The following EP400 variants were observed in gnomAD, a reference collection of about 807,000 sequenced individuals.
EP400 encodes the protein E1A binding protein p400.
Under a neutral mutation model 354.1 loss-of-function variants are expected in EP400, and 105 were observed. The ratio of observed to expected loss-of-function variants is 0.30; its 90% confidence interval spans 0.25 to 0.35. The LOEUF (loss-of-function observed/expected upper bound fraction) is 0.35, where lower values mean the gene tolerates loss of function less well. EP400 is among the 10% of genes least tolerant of loss of function. EP400 has a pLI of 1.00. For missense variants in EP400, 3,280 were observed against 4,121.0 expected, an observed-to-expected ratio of 0.80 and a Z score of 5.59; for synonymous variants, 1,646 against 1,716.9, an observed-to-expected ratio of 0.96 and a Z score of 1.02.
rs1894022057 is a variant in EP400 at position 132,018,610 on chromosome 12, C to T, written c.4277+234C>T. ...GCAGCAACCTCCTTGATCGTCTTTGCAGCAGTTTTAGGGTAGGGTGGGTGT... is the reference window on the plus strand; with the variant it reads ...GCAGCAACCTCCTTGATCGTCTTTGTAGCAGTTTTAGGGTAGGGTGGGTGT... On this transcript the variant is annotated intron_variant, in intron 21 of 52. Transcript: ENST00000389561. The surrounding 1 kb of genome is among the most constrained non-coding windows in gnomAD (Gnocchi z 4.0). Among the ~76,000 whole-genome samples, 1 of 152,212 alleles carries T rather than the reference C, an allele frequency of 6.6e-6. No individual in the cohort carries two copies. The highest frequency in any genetic ancestry group is 6.6e-5 in the Admixed American group (1 of 15,266).
chr12:131,992,840 C>G (rs1416988704), intron 11 of EP400, among the ~76,000 whole-genome samples: 1 of 152,162 alleles, frequency 6.6e-6, no homozygotes, highest in Admixed American at 6.5e-5. Context: ...GTAAGGCCTG[C>G]AGTTTCTCCT....
intron 2 of EP400, among the ~76,000 whole-genome samples, chr12:131,967,347 C>A (rs896997127): frequency 6.6e-6 from 1 of 151,684 alleles, no homozygotes; most frequent in Non-Finnish European, 1.5e-5. Context: ...TGCCACTGCA[C>A]TCCAGCCTGG....
Position 132,027,498 on chromosome 12 carries a change from C to T in EP400, c.5076C>T (p.Ser1692=). The T allele has an allele frequency of 1.2e-6, 2 of 1,613,712 alleles. No homozygotes were observed. Among genetic ancestry groups the T allele is most frequent in the Non-Finnish European group, 1.7e-6 (2 of 1,179,874 alleles). Residue 1692 remains serine, a synonymous_variant, in exon 26 of 53, where the codon TCC becomes TCT. Transcript: ENST00000389561. This position sits in a 1 kb window ranked among gnomAD's most constrained non-coding sequence, Gnocchi z 4.9. ...ALAVGEPGTA[S]KPASPIGGPT... ...CTGTAGGAGAACCCGGAACGGCCTC[C>T]AAACCAGCTTCTCCCATTGGAGGGC...
At chr12:132,010,307 G>A (rs957516217) in intron 15 of EP400, among the ~76,000 whole-genome samples, 2 of 152,064 alleles carry the variant, frequency 1.3e-5, no homozygotes, top group African/African-American at 4.8e-5. Context: ...GGCCGGTCTT[G>A]AACTCCTGAC....
At chr12:132,005,466 A>C (rs181201596) in intron 13 of EP400, among the ~76,000 whole-genome samples, 1 of 152,330 alleles carries the variant, frequency 6.6e-6, no homozygotes, top group East Asian at 1.9e-4. Context: ...AGATATATTT[A>C]TTCAGGCTGT....
At position 132,078,353 on chromosome 12, in the gene EP400, A is replaced by T. The variant is rs1896298949; in HGVS notation, c.*680A>T. ...TCATTGCATTGTTATTCCAAAGAGCAGCCAACAGTGGCCTCCCCCAGGCCC... is the reference window on the plus strand; with the variant it reads ...TCATTGCATTGTTATTCCAAAGAGCTGCCAACAGTGGCCTCCCCCAGGCCC... On this transcript the variant is annotated 3_prime_UTR_variant, in exon 53 of 53. Transcript: ENST00000389561. The T allele has an allele frequency of 6.6e-6, 1 of 152,408 alleles. No homozygotes were observed. The highest frequency in any genetic ancestry group is 2.1e-4 in the South Asian group (1 of 4,840). The allele number at this position is 152,408 out of a possible 1,614,324, so 9.4% of individuals were successfully genotyped here. A position where few individuals can be genotyped will look rare whatever the true frequency, so the allele number is the denominator to read the frequency against.
rs916566871 is a variant in EP400 at position 132,054,413 on chromosome 12, T to C, written c.7729-561T>C. On this transcript the variant is annotated intron_variant, in intron 43 of 52. Coordinates refer to ENST00000389561, the MANE Select transcript of EP400 (RefSeq NM_015409.5). This position sits in a 1 kb window ranked among gnomAD's most constrained non-coding sequence, Gnocchi z 4.0. ...GGTGCAAGGTGGGCAAGATGGGCAGTGCCCACATTCTGGAGCCACGTCCTA... is the reference window on the plus strand; with the variant it reads ...GGTGCAAGGTGGGCAAGATGGGCAGCGCCCACATTCTGGAGCCACGTCCTA... Among the ~76,000 whole-genome samples, 1 of 152,226 alleles carries C rather than the reference T, an allele frequency of 6.6e-6. No homozygotes were observed. Among genetic ancestry groups the C allele is most frequent in the Non-Finnish European group, 1.5e-5 (1 of 68,040 alleles).
At position 132,029,854 on chromosome 12, in the gene EP400, T is replaced by C; in HGVS notation, c.5535T>C (p.Ala1845=). The change falls in exon 28 of 53, where the codon GCT becomes GCC. Residue 1845 remains alanine (A), a synonymous_variant. Coordinates refer to ENST00000389561, the MANE Select transcript of EP400 (RefSeq NM_015409.5). The surrounding 1 kb of genome is among the most constrained non-coding windows in gnomAD (Gnocchi z 4.7). Reference sequence around the variant, plus strand: ...TCCAGCAGCTGCGGCAGACCACGGCTCCACGCCTGCTGCAGTTCCCTGAGC... The same window carrying C: ...TCCAGCAGCTGCGGCAGACCACGGCCCCACGCCTGCTGCAGTTCCCTGAGC... ...PYFQQLRQTT[A]PRLLQFPELR... is the part of the protein sequence containing the mutation. 6.2e-7 allele frequency: 1 copy of C among 1,612,928 alleles called. No homozygotes were observed. Among genetic ancestry groups the C allele is most frequent in the Non-Finnish European group, 8.5e-7 (1 of 1,180,026 alleles).
intron 51 of EP400, among the ~76,000 whole-genome samples, chr12:132,071,331 T>C (rs1896062192): frequency 6.6e-6 from 1 of 152,130 alleles, no homozygotes; most frequent in Admixed American, 6.5e-5. Context: ...TGTCCTGAGT[T>C]CCAGATTCTT....
At chr12:132,046,042 C>T in intron 39 of EP400, 142 bp downstream of exon 39, 1 of 1,079,972 alleles carries the variant, frequency 9.3e-7, no homozygotes, top group Non-Finnish European at 1.3e-6. Context: ...TCTCCTTGGG[C>T]TCCTGGTGGA....
At chr12:132,044,083 G>A (rs956840375) in intron 34 of EP400, 94 bp from the exon 35 acceptor site, 7 of 1,533,910 alleles carry the variant, frequency 4.6e-6, no homozygotes, top group Non-Finnish European at 5.3e-6. Flanking sequence ...AGAACATGTG[G>A]CTCTGAGACA....
intron 45 of EP400, among the ~76,000 whole-genome samples, chr12:132,055,451 T>C (rs1234844431): frequency 7.1e-6 from 1 of 139,908 alleles, no homozygotes; most frequent in Non-Finnish European, 1.5e-5. Flanking sequence ...GTGTGTGGTG[T>C]AGGGGTGTGT....
chr12:131,988,496 T>TC (rs1406941626), intron 7 of EP400, among the ~76,000 whole-genome samples: 1 of 152,190 alleles, frequency 6.6e-6, no homozygotes, highest in Non-Finnish European at 1.5e-5. Context: ...CAAGGGGCTG[T>TC]CCTAGGCTTT....
intron 9 of EP400, 120 bp from the exon 10 acceptor site, chr12:131,991,287 T>C: frequency 1.1e-6 from 1 of 903,370 alleles, no homozygotes; most frequent in Non-Finnish European, 1.8e-6. Context: ...GAGGCAGAAC[T>C]CACGCGTCCT....
rs1388863453 is a variant in EP400, at chr12:132,077,888, A to G, written c.*215A>G. 4.7e-6 allele frequency: 3 copies of G among 638,832 alleles called. No homozygotes were observed. The highest frequency in any genetic ancestry group is 7.7e-6 in the Non-Finnish European group (3 of 390,214). 39.6% of individuals were successfully genotyped at this position (638,832 alleles called of 1,614,324 possible). A position where few individuals can be genotyped will look rare whatever the true frequency, so the allele number is the denominator to read the frequency against. ...CCGCGTTCTCTGTACTACGTGGCTCATGGAAAAAGTGACAACATGGCTTCC... is the reference window on the plus strand; with the variant it reads ...CCGCGTTCTCTGTACTACGTGGCTCGTGGAAAAAGTGACAACATGGCTTCC... On this transcript the variant is annotated 3_prime_UTR_variant, in exon 53 of 53. Coordinates refer to ENST00000389561, the MANE Select transcript of EP400 (RefSeq NM_015409.5).
chr12:132,012,916 C>T, intron 16 of EP400, 93 bp from the exon 17 acceptor site: 3 of 1,344,780 alleles, frequency 2.2e-6, no homozygotes, highest in Non-Finnish European at 3.0e-6. Context: ...AACGGAGTCA[C>T]TGGGTGGCAA....
At position 132,038,966 on chromosome 12, in the gene EP400, C is replaced by T. The variant is rs1894805452; in HGVS notation, c.6207+870C>T. Among the ~76,000 whole-genome samples, 1 of 152,234 alleles carries T rather than the reference C, an allele frequency of 6.6e-6. No homozygotes were observed. Among genetic ancestry groups the T allele is most frequent in the African/African-American group, 2.4e-5 (1 of 41,454 alleles). ...CTTCCTGCCCTGTTTGACTGCAGCG[C>T]ATGACTGCATGGGCTTCTCTGTATG... On this transcript the variant is annotated intron_variant, in intron 32 of 52. Coordinates refer to ENST00000389561, the MANE Select transcript of EP400 (RefSeq NM_015409.5). This position sits in a 1 kb window ranked among gnomAD's most constrained non-coding sequence, Gnocchi z 4.2.
intron 2 of EP400, among the ~76,000 whole-genome samples, chr12:131,965,006 G>T (rs1167922712): frequency 6.6e-6 from 1 of 152,228 alleles, no homozygotes; most frequent in Non-Finnish European, 1.5e-5. Context: ...GCCTGGGCCT[G>T]GGCGTTAAAA....
At chr12:132,024,096 C>T (rs1894216283) in intron 24 of EP400, among the ~76,000 whole-genome samples, 155 bp downstream of exon 24, 1 of 152,230 alleles carries the variant, frequency 6.6e-6, no homozygotes, top group African/African-American at 2.4e-5. Context: ...GGAAGACCAG[C>T]GAGATGACGT....
Sources: gnomAD v4.1 joint callset for allele counts (sites outside exome capture counted in the v4.1 genomes callset) on GRCh38, gnomAD v4.1.1 for gene constraint, Gnocchi (gnomAD v3.1) non-coding constraint, MANE v1.5 for transcripts, NCBI Gene and HGNC (gene_info 2026-07-23, HGNC 2026-07-21) for gene names.